The following SAMD12 variants were observed in gnomAD, a reference collection of about 807,000 sequenced individuals.
SAMD12 encodes sterile alpha motif domain containing 12.
In SAMD12, 9 loss-of-function variants were observed where a neutral mutation model predicts 15.0. The ratio of observed to expected loss-of-function variants is 0.60; its 90% CI spans 0.36 to 1.05. SAMD12 has a LOEUF of 1.05. Among genes scored for constraint, SAMD12 ranks in the 50% least tolerant of loss-of-function variants. SAMD12 has a pLI of 0.01. For synonymous variants in SAMD12, 86 were observed against 90.1 expected, an observed-to-expected ratio of 0.96 and a Z score of 0.25; for missense variants, 230 against 234.2, an observed-to-expected ratio of 0.98 and a Z score of 0.12.
chr8:118,232,281 T>C (rs906980386), intron 4 of SAMD12, among the ~76,000 whole-genome samples: 2 of 152,124 alleles, frequency 1.3e-5, no homozygotes, highest in African/African-American at 4.8e-5. Context: ...GGCATCTAAA[T>C]CATCCTGGGG....
At chr8:118,355,799 A>G (rs918019039) in intron 4 of SAMD12, among the ~76,000 whole-genome samples, 2 of 152,216 alleles carry the variant, frequency 1.3e-5, no homozygotes, top group Non-Finnish European at 1.5e-5. Context: ...TATACCACCC[A>G]CTAAACTTGT....
At chr8:118,463,438 G>T (rs1392023289) in intron 2 of SAMD12, among the ~76,000 whole-genome samples, 1 of 152,146 alleles carries the variant, frequency 6.6e-6, no homozygotes, top group Non-Finnish European at 1.5e-5. Context: ...AGCATCGTGT[G>T]GGAAGTTGAG....
At chr8:118,480,910 C>A (rs1235777716) in intron 2 of SAMD12, among the ~76,000 whole-genome samples, 1 of 152,084 alleles carries the variant, frequency 6.6e-6, no homozygotes, top group Non-Finnish European at 1.5e-5. Context: ...TTGATCTTGG[C>A]AAAATAATTT....
At chr8:118,540,273 C>T (rs1825953695) in intron 2 of SAMD12, among the ~76,000 whole-genome samples, 1 of 152,172 alleles carries the variant, frequency 6.6e-6, no homozygotes, top group African/African-American at 2.4e-5. Flanking sequence ...TGCCATGACA[C>T]AGGTCCCCAG....
intron 1 of SAMD12, chr8:118,620,985 A>G (rs1001759389): frequency 1.3e-5 from 2 of 152,178 alleles, no homozygotes; most frequent in Admixed American, 1.3e-4. Flanking sequence ...TTCTTCAGAA[A>G]CTACCTAAAC....
chr8:118,293,860 T>C (rs1012966814), intron 4 of SAMD12, among the ~76,000 whole-genome samples: 1 of 152,090 alleles, frequency 6.6e-6, no homozygotes, highest in Non-Finnish European at 1.5e-5. Context: ...GATGAAGGGG[T>C]TGGAATGCCA....
At chr8:118,499,016 T>C (rs988016284) in intron 2 of SAMD12, among the ~76,000 whole-genome samples, 6 of 152,216 alleles carry the variant, frequency 3.9e-5, no homozygotes, top group Non-Finnish European at 7.3e-5. Flanking sequence ...CTATTATCTG[T>C]CAGAATAGGC....
chr8:118,276,752 A>G (rs1813483505), intron 4 of SAMD12, among the ~76,000 whole-genome samples: 1 of 152,130 alleles, frequency 6.6e-6, no homozygotes, highest in Non-Finnish European at 1.5e-5. Context: ...AGCTCACTGT[A>G]ACCTCTGCCT....
intron 3 of SAMD12, among the ~76,000 whole-genome samples, chr8:118,413,584 A>G (rs540810450): frequency 5.3e-5 from 8 of 152,216 alleles, no homozygotes; most frequent in African/African-American, 1.9e-4. Flanking sequence ...AATTCTCTTG[A>G]CAATTAACTG....
the SAMD12 span, among the ~76,000 whole-genome samples, chr8:118,140,843 C>T: frequency 7.9e-5 from 12 of 152,156 alleles, no homozygotes; most frequent in Non-Finnish European, 1.5e-4. Context: ...CCTGAAGCAA[C>T]TTGGGAAACC....
At chr8:118,305,144 CAAAAAAAAAAAAAAAAA>C (rs56200866) in intron 4 of SAMD12, among the ~76,000 whole-genome samples, 48 of 48,888 alleles carry the variant, frequency 9.8e-4, no homozygotes, top group Middle Eastern at 0.043. Flanking sequence ...GACTCCCTGT[CAAAAAAAAAAAAAAAAA>C]AAAAAAAAAA....
At chr8:118,137,985 G>A in the SAMD12 span, among the ~76,000 whole-genome samples, 1 of 151,424 alleles carries the variant, frequency 6.6e-6, no homozygotes, top group Non-Finnish European at 1.5e-5. Context: ...TCTTTTCATG[G>A]GACTAAAATT....
At chr8:118,481,355 T>G (rs1284692372) in intron 2 of SAMD12, among the ~76,000 whole-genome samples, 1 of 152,216 alleles carries the variant, frequency 6.6e-6, no homozygotes, top group Non-Finnish European at 1.5e-5. Flanking sequence ...ATTTGAATAC[T>G]TAACACCTAG....
intron 2 of SAMD12, among the ~76,000 whole-genome samples, chr8:118,448,090 T>C (rs1407280252): frequency 6.6e-6 from 1 of 152,216 alleles, no homozygotes; most frequent in African/African-American, 2.4e-5. Context: ...ACCAGTCTTC[T>C]TCCTATTGCT....
chr8:118,369,518 C>A (rs551423749), intron 4 of SAMD12, among the ~76,000 whole-genome samples: 205 of 152,214 alleles, frequency 1.3e-3, no homozygotes, highest in Middle Eastern at 3.4e-3. Context: ...GAGTTTGAGA[C>A]CAGCCTGGCC....
At chr8:118,547,578 G>C (rs1183882750) in intron 2 of SAMD12, among the ~76,000 whole-genome samples, 1 of 152,188 alleles carries the variant, frequency 6.6e-6, no homozygotes, top group Non-Finnish European at 1.5e-5. Context: ...GTTGGGCAAA[G>C]TATTAACTGA....
intron 4 of SAMD12, among the ~76,000 whole-genome samples, chr8:118,213,307 C>T (rs1811880914): frequency 6.6e-6 from 1 of 152,134 alleles, no homozygotes; most frequent in Non-Finnish European, 1.5e-5. Context: ...CTGTTCTGGG[C>T]TTAATCTTTA....
At chr8:118,346,156 G>GA (rs1817639080) in intron 4 of SAMD12, among the ~76,000 whole-genome samples, 1 of 152,188 alleles carries the variant, frequency 6.6e-6, no homozygotes, top group African/African-American at 2.4e-5. Context: ...TTTCTGATTA[G>GA]ATGTAGTAAA....
At chr8:118,344,448 A>G (rs1817529262) in intron 4 of SAMD12, among the ~76,000 whole-genome samples, 1 of 152,232 alleles carries the variant, frequency 6.6e-6, no homozygotes, top group African/African-American at 2.4e-5. Context: ...GCAACATTGT[A>G]AGAGGTAGAT....
Sources: allele counts gnomAD v4.1 joint callset (sites outside exome capture counted in the v4.1 genomes callset), GRCh38; gene constraint gnomAD v4.1.1; transcripts MANE v1.5; gene names NCBI Gene and HGNC (gene_info 2026-07-23, HGNC 2026-07-21).